The following FLT3 variants were observed in gnomAD, a reference collection of about 807,000 sequenced individuals.
FLT3 encodes receptor-type tyrosine-protein kinase FLT3.
Under a neutral mutation model 126.6 loss-of-function variants are expected in FLT3, and 46 were observed. That is an observed-to-expected ratio of 0.36 (90% CI 0.29 to 0.46). The LOEUF (loss-of-function observed/expected upper bound fraction) is 0.46, where lower values mean the gene tolerates loss of function less well. FLT3 is among the 20% of genes least tolerant of loss of function. FLT3 has a pLI of 1.00. For synonymous variants in FLT3, 404 were observed against 434.4 expected, an observed-to-expected ratio of 0.93 and a Z score of 0.87; for missense variants, 1,069 against 1,190.3, an observed-to-expected ratio of 0.90 and a Z score of 1.50.
intron 10 of FLT3, 137 bp from the exon 11 acceptor site, chr13:28,036,180 A>G (rs1873824137): frequency 1.5e-6 from 1 of 685,368 alleles, no homozygotes; most frequent in Non-Finnish European, 2.6e-6. Flanking sequence ...CAACACAGCA[A>G]GACCCTGTCT....
At chr13:28,051,084 C>G (rs1003868977) in intron 5 of FLT3, among the ~76,000 whole-genome samples, 1 of 152,142 alleles carries the variant, frequency 6.6e-6, no homozygotes, top group African/African-American at 2.4e-5. Context: ...AGTAACTTGT[C>G]CAAGGCCACA....
chr13:28,031,338 A>C (rs1276109328), intron 15 of FLT3, among the ~76,000 whole-genome samples: 1 of 152,184 alleles, frequency 6.6e-6, no homozygotes, highest in African/African-American at 2.4e-5. Flanking sequence ...TTCAATGTCT[A>C]AACTGAGTCC....
intron 1 of FLT3, among the ~76,000 whole-genome samples, chr13:28,086,116 TA>T (rs1490906845): frequency 6.6e-6 from 1 of 152,244 alleles, no homozygotes; most frequent in Non-Finnish European, 1.5e-5. Flanking sequence ...AAATCTACTA[TA>T]TTGTTCTTTG....
chr13:28,091,342 C>G (rs1156702351), intron 1 of FLT3, among the ~76,000 whole-genome samples: 1 of 148,142 alleles, frequency 6.8e-6, no homozygotes, highest in Non-Finnish European at 1.5e-5. Context: ...CTGCCTCAGC[C>G]TCCCGAGTAG....
chr13:28,056,480 C>A (rs923101835), intron 4 of FLT3, among the ~76,000 whole-genome samples: 4 of 152,134 alleles, frequency 2.6e-5, no homozygotes, highest in Non-Finnish European at 5.9e-5. Flanking sequence ...GGCACGAGGA[C>A]CTAAGTGAAT....
intron 9 of FLT3, among the ~76,000 whole-genome samples, 166 bp downstream of exon 9, chr13:28,048,109 T>C (rs1013852753): frequency 1.3e-5 from 2 of 152,246 alleles, no homozygotes; most frequent in African/African-American, 4.8e-5. Context: ...AGACTGCTAC[T>C]GTATCCTCAC....
Position 28,070,449 on chromosome 13 carries a change from T to C in FLT3, c.165+42A>G, listed in dbSNP as rs116014403. 1,501 of 1,567,714 alleles carry C rather than the reference T, an allele frequency of 9.6e-4. 15 individuals carry two copies. The African/African-American group carries it at 0.018, about 18-fold the overall frequency. On this transcript the variant is annotated intron_variant, in intron 2 of 23. Transcript: ENST00000241453. The stretch of plus-strand genomic sequence containing the variant: ...TCAATAACTTACAAATTACGTTCTC[T>C]AGAGAAAAACAGCTAAAGGTATAAT...
At chr13:28,082,236 G>C (rs1364803817) in intron 1 of FLT3, among the ~76,000 whole-genome samples, 1 of 151,760 alleles carries the variant, frequency 6.6e-6, no homozygotes, top group Non-Finnish European at 1.5e-5. Flanking sequence ...CTCCAACACT[G>C]AACTCCTGGG....
intron 15 of FLT3, among the ~76,000 whole-genome samples, chr13:28,031,637 T>TG: frequency 6.6e-6 from 1 of 151,914 alleles, no homozygotes. Context: ...GAGGAAGTGG[T>TG]GTTTAAGCTG....
At chr13:28,091,235 T>TTTTTTTTA (rs1566108423) in intron 1 of FLT3, among the ~76,000 whole-genome samples, 2 of 131,662 alleles carry the variant, frequency 1.5e-5, no homozygotes, top group African/African-American at 3.0e-5. Context: ...TTTTTTTTTT[T>TTTTTTTTA]TTTTGAGACG....
At chr13:28,013,646 T>A (rs1397981481) in intron 23 of FLT3, among the ~76,000 whole-genome samples, 8 of 152,154 alleles carry the variant, frequency 5.3e-5, no homozygotes, top group Non-Finnish European at 7.3e-5. Context: ...AACAACCCAT[T>A]TTACAGGTGA....
intron 3 of FLT3, among the ~76,000 whole-genome samples, chr13:28,061,605 G>GA (rs1242097519): frequency 6.6e-6 from 1 of 150,974 alleles, no homozygotes; most frequent in Non-Finnish European, 1.5e-5. Context: ...ATGGTGCCTA[G>GA]AAAAAATTTA....
At chr13:28,074,754 C>A (rs192587874) in intron 1 of FLT3, among the ~76,000 whole-genome samples, 1 of 152,142 alleles carries the variant, frequency 6.6e-6, no homozygotes, top group African/African-American at 2.4e-5. Context: ...CATCCCCCCA[C>A]CTTAGCTTCC....
At chr13:28,013,058 G>T (rs1218416588) in intron 23 of FLT3, among the ~76,000 whole-genome samples, 1 of 152,132 alleles carries the variant, frequency 6.6e-6, no homozygotes, top group East Asian at 1.9e-4. Flanking sequence ...GTCATGAACA[G>T]TTTATAGGTA....
rs557665602 is a variant in FLT3 at position 28,070,422 on chromosome 13, C to T, written c.165+69G>A. On this transcript the variant is annotated intron_variant, in intron 2 of 23. Coordinates refer to ENST00000241453, the MANE Select transcript of FLT3 (RefSeq NM_004119.3). ...GAGAAGCCCATTTAGCCATGGTAGG[C>T]TTCAATAACTTACAAATTACGTTCT... is the stretch of plus-strand genomic sequence containing the variant. 210 of 1,359,092 alleles carry T rather than the reference C, an allele frequency of 1.5e-4. No homozygotes were observed. In the East Asian group the frequency reaches 2.7e-3, roughly 18 times the overall value. 84.2% of individuals were successfully genotyped at this position (1,359,092 alleles called of 1,614,324 possible). A position where few individuals can be genotyped will look rare whatever the true frequency, so the allele number is the denominator to read the frequency against.
At chr13:28,025,457 G>A in intron 17 of FLT3, 1 of 431,098 alleles carries the variant, frequency 2.3e-6, no homozygotes, top group South Asian at 1.7e-5. Flanking sequence ...TCTCTTTTAA[G>A]GTATATAAAA....
intron 1 of FLT3, among the ~76,000 whole-genome samples, chr13:28,075,882 A>T (rs1279175623): frequency 6.7e-6 from 1 of 150,172 alleles, no homozygotes; most frequent in Non-Finnish European, 1.5e-5. Context: ...TGCAAACTCC[A>T]CCTCCCAGGT....
intron 23 of FLT3, among the ~76,000 whole-genome samples, chr13:28,013,815 C>T (rs1007446167): frequency 6.6e-5 from 10 of 152,144 alleles, no homozygotes; most frequent in African/African-American, 2.2e-4. Flanking sequence ...CACACTCATG[C>T]TTCATAAGAA....
At chr13:28,051,147 A>T (rs9507988) in intron 5 of FLT3, among the ~76,000 whole-genome samples, 22,975 of 152,162 alleles carry the variant, frequency 0.15, 2,047 homozygotes, top group Middle Eastern at 0.26. Flanking sequence ...TCTGGATTCT[A>T]TATCTTTAAA....
Sources: allele counts gnomAD v4.1 joint callset (sites outside exome capture counted in the v4.1 genomes callset), GRCh38; gene constraint gnomAD v4.1.1; transcripts MANE v1.5; gene names NCBI Gene and HGNC (gene_info 2026-07-23, HGNC 2026-07-21).